Variants in MALRD1 observed in about 807,000 individuals in gnomAD.
The protein encoded by MALRD1 is MAM and LDL-receptor class A domain-containing protein 1.
A neutral mutation model predicts 242.1 loss-of-function variants in MALRD1; 247 were observed. The ratio of observed to expected loss-of-function variants is 1.02; its 90% CI spans 0.92 to 1.13. The LOEUF (loss-of-function observed/expected upper bound fraction) is 1.13, where lower values mean the gene tolerates loss of function less well. Ranked by LOEUF, MALRD1 falls within the 50% of genes most tolerant of loss-of-function variation. MALRD1 has a pLI of 0.00. For missense variants in MALRD1, 2,989 were observed against 2,533.1 expected, an observed-to-expected ratio of 1.18 and a Z score of -3.86; for synonymous variants, 995 against 866.6, an observed-to-expected ratio of 1.15 and a Z score of -2.60.
intron 32 of MALRD1, among the ~76,000 whole-genome samples, chr10:19,533,836 A>G (rs771252567): frequency 1.3e-4 from 20 of 152,218 alleles, no homozygotes; most frequent in Admixed American, 7.8e-4. Context: ...TCCAAACTGT[A>G]TCAGCGGAGT....
Position 19,389,548 on chromosome 10 carries a change from C to G in MALRD1, c.4784C>G (p.Thr1595Ser), listed in dbSNP as rs755861086. ...TMWRESSAAC[T>S]MSFWYFVSAK... ...TGGCGAGAATCCAGTGCAGCCTGCA[C>G]CATGAGCTTCTGGTATTTCGTATCT... Residue 1595 changes from threonine (T) to serine (S), a missense_variant, in exon 28 of 40, where the codon ACC becomes AGC. Thr to Ser is a moderately conservative substitution (Grantham distance 58). Transcript: ENST00000454679. 1.3e-6 allele frequency: 2 copies of G among 1,550,706 alleles called. No individual in the cohort carries two copies. The highest frequency in any genetic ancestry group is 1.2e-5 in the South Asian group (1 of 84,060).
chr10:19,731,492 TTGTGTG>T (rs199973822), intron 39 of MALRD1, among the ~76,000 whole-genome samples: 13 of 146,896 alleles, frequency 8.8e-5, no homozygotes, highest in African/African-American at 1.5e-4. Flanking sequence ...ATAGTTTACT[TTGTGTG>T]TGTGTGTGTG....
intron 28 of MALRD1, among the ~76,000 whole-genome samples, chr10:19,446,590 C>T (rs1004276432): frequency 6.6e-6 from 1 of 152,072 alleles, no homozygotes; most frequent in Non-Finnish European, 1.5e-5. Context: ...TTTCTTTGCA[C>T]AGCCCATAAA....
In MALRD1 at chr10:19,494,445, G is replaced by A. The variant is rs184928722; in HGVS notation, c.5158+2800G>A. On this transcript the variant is annotated intron_variant, in intron 30 of 39. Transcript: ENST00000454679. ...CTTAATCAGGTGAGATGGCTGAAAT[G>A]GCACACATAGAATTCAGAATATGGG... Among the ~76,000 whole-genome samples the A allele has an allele frequency of 7.2e-5, 11 of 152,244 alleles. 1 individual carries two copies. In the East Asian group the frequency reaches 1.2e-3, roughly 16 times the overall value.
At chr10:19,205,864 C>G (rs916908864) in intron 17 of MALRD1, among the ~76,000 whole-genome samples, 1 of 150,900 alleles carries the variant, frequency 6.6e-6, no homozygotes, top group Non-Finnish European at 1.5e-5. Flanking sequence ...GAATTGCCCT[C>G]TGCACTTAGT....
chr10:19,643,512 A>T (rs530245063), intron 36 of MALRD1, among the ~76,000 whole-genome samples: 1 of 151,342 alleles, frequency 6.6e-6, no homozygotes, highest in Admixed American at 6.6e-5. Flanking sequence ...AACCAAAGTT[A>T]ATTGATTAAT....
intron 32 of MALRD1, among the ~76,000 whole-genome samples, chr10:19,552,168 A>G (rs1366592089): frequency 6.6e-6 from 1 of 152,080 alleles, no homozygotes; most frequent in Non-Finnish European, 1.5e-5. Context: ...TAGGAATGGT[A>G]CCAGCTATTC....
At chr10:19,677,603 C>T (rs940903505) in intron 36 of MALRD1, among the ~76,000 whole-genome samples, 1 of 152,072 alleles carries the variant, frequency 6.6e-6, no homozygotes, top group Admixed American at 6.6e-5. Context: ...AAAATTTTCT[C>T]CCATTCTGTA....
chr10:19,146,307 CT>C lies in MALRD1; in HGVS notation c.1524del (p.Pro509LeufsTer9). On this transcript the variant is annotated frameshift_variant, in exon 11 of 40. Coordinates refer to ENST00000454679, the MANE Select transcript of MALRD1 (RefSeq NM_001142308.3). LOFTEE classifies it high-confidence loss of function. ...AAGGATTGAATAATGGAGAGCACCACTTTCCTGCAGCTGATCACACAGCAAA... is the reference window on the plus strand; with the variant it reads ...AAGGATTGAATAATGGAGAGCACCACTTCCTGCAGCTGATCACACAGCAAA... ...MKGLNNGEHH[F>X]PAADHTANIN... is the part of the protein sequence containing the mutation. 8.1e-7 allele frequency: 1 copy of C among 1,231,620 alleles called. No individual in the cohort carries two copies. Among genetic ancestry groups the C allele is most frequent in the Non-Finnish European group, 1.0e-6 (1 of 987,896 alleles). The allele number at this position is 1,231,620 out of a possible 1,614,324, so 76.3% of individuals were successfully genotyped here.
chr10:19,591,875 T>C (rs1355349123), intron 33 of MALRD1, among the ~76,000 whole-genome samples: 1 of 152,222 alleles, frequency 6.6e-6, no homozygotes, highest in African/African-American at 2.4e-5. Flanking sequence ...TCCAGGAGTA[T>C]TAGTTTTATT....
At chr10:19,524,675 C>T (rs976185689) in intron 31 of MALRD1, among the ~76,000 whole-genome samples, 1 of 151,760 alleles carries the variant, frequency 6.6e-6, no homozygotes, top group Admixed American at 6.6e-5. Flanking sequence ...AGGCATAATG[C>T]ACAGCATTTT....
chr10:19,157,453 T>C (rs1834204886), intron 12 of MALRD1, among the ~76,000 whole-genome samples: 1 of 152,036 alleles, frequency 6.6e-6, no homozygotes, highest in African/African-American at 2.4e-5. Flanking sequence ...TTCACCATGT[T>C]ATCCAGGATG....
At chr10:19,582,045 C>T (rs1837154673) in intron 33 of MALRD1, among the ~76,000 whole-genome samples, 1 of 152,078 alleles carries the variant, frequency 6.6e-6, no homozygotes, top group Non-Finnish European at 1.5e-5. Flanking sequence ...TGTTCATGTC[C>T]TTTGCCCACT....
chr10:19,373,460 A>G (rs573901287), intron 26 of MALRD1, among the ~76,000 whole-genome samples: 1 of 151,992 alleles, frequency 6.6e-6, no homozygotes, highest in Non-Finnish European at 1.5e-5. Context: ...CGGAGGTTGC[A>G]GTGAGCCGAG....
chr10:19,490,404 T>A (rs1837430017), intron 29 of MALRD1, among the ~76,000 whole-genome samples: 1 of 149,806 alleles, frequency 6.7e-6, no homozygotes, highest in South Asian at 2.2e-4. Context: ...TCTGGAACAA[T>A]GTTTTCTGCA....
At chr10:19,085,518 T>A (rs1835640514) in intron 2 of MALRD1, among the ~76,000 whole-genome samples, 1 of 151,914 alleles carries the variant, frequency 6.6e-6, no homozygotes, top group Non-Finnish European at 1.5e-5. Context: ...CTAGAAAAAA[T>A]GTCAAAAGAT....
At position 19,205,014 on chromosome 10, in the gene MALRD1, A is replaced by T; in HGVS notation, c.2327A>T (p.Glu776Val). The change falls in exon 17 of 40, where the codon GAG (glutamate) becomes GTG (valine). Residue 776 changes from glutamate (E) to valine (V), a missense_variant. Physicochemically the swap from Glu to Val is moderately radical, Grantham distance 121. Coordinates refer to ENST00000454679, the MANE Select transcript of MALRD1 (RefSeq NM_001142308.3). The part of the protein sequence containing the change: ...VLYNQGKQWL[E>V]ATIQLGRLSQ... ...TACAATCAGGGCAAACAATGGTTGG[A>T]GGCAACCATTCAGCTAGGGCGCCTT... is the stretch of plus-strand genomic sequence containing the variant. 6.4e-7 allele frequency: 1 copy of T among 1,550,882 alleles called. No individual in the cohort carries two copies. The highest frequency in any genetic ancestry group is 8.7e-7 in the Non-Finnish European group (1 of 1,147,022).
intron 2 of MALRD1, among the ~76,000 whole-genome samples, chr10:19,073,082 T>A (rs1835206133): frequency 6.6e-6 from 1 of 151,928 alleles, no homozygotes; most frequent in Non-Finnish European, 1.5e-5. Flanking sequence ...GCCCGGCTAA[T>A]CCTTATATTT....
chr10:19,397,799 A>C (rs1846652311), intron 28 of MALRD1, among the ~76,000 whole-genome samples: 1 of 151,958 alleles, frequency 6.6e-6, no homozygotes, highest in Non-Finnish European at 1.5e-5. Flanking sequence ...CTAGTTCCAC[A>C]ACGTTGCTAA....
Sources: gnomAD v4.1 joint callset for allele counts (sites outside exome capture counted in the v4.1 genomes callset) on GRCh38, gnomAD v4.1.1 for gene constraint, MANE v1.5 for transcripts, NCBI Gene and HGNC (gene_info 2026-07-23, HGNC 2026-07-21) for gene names.